Variants in MAGI2 observed in about 807,000 individuals in gnomAD.
MAGI2 encodes membrane-associated guanylate kinase, WW and PDZ domain-containing protein 2.
A neutral mutation model predicts 133.3 loss-of-function variants in MAGI2; 35 were observed. The observed-to-expected ratio is 0.26, with a 90% CI of 0.20 to 0.35. The LOEUF (loss-of-function observed/expected upper bound fraction) is 0.35, where lower values mean the gene tolerates loss of function less well. Among genes scored for constraint, MAGI2 ranks in the 10% least tolerant of loss-of-function variants. MAGI2 has a pLI of 1.00. For missense variants in MAGI2, 1,636 were observed against 1,863.4 expected (o/e 0.88, Z 2.25); for synonymous variants, 729 against 710.6 (o/e 1.03, Z -0.41).
intron 1 of MAGI2, among the ~76,000 whole-genome samples, chr7:79,220,837 CA>C (rs1830393502): frequency 6.6e-6 from 1 of 152,020 alleles, no homozygotes; most frequent in Admixed American, 6.5e-5. Context: ...CACCGTGGTA[CA>C]AATTATTTCA....
At position 78,356,675 on chromosome 7, in the gene MAGI2, C is replaced by A. The variant is rs10244261; in HGVS notation, c.1104-10632G>T. Among the ~76,000 whole-genome samples the A allele has an allele frequency of 3.3e-3, 502 of 152,012 alleles. 5 individuals are homozygous for A. The highest frequency in any genetic ancestry group is 0.011 in the African/African-American group (456 of 41,432). Reference sequence around the variant, plus strand: ...GAATTTTTTATGTAACAGGGTGGAACCTTGAGCGCTGGTGGGAACTCTTCC... The same window carrying A: ...GAATTTTTTATGTAACAGGGTGGAAACTTGAGCGCTGGTGGGAACTCTTCC... On this transcript the variant is annotated intron_variant, in intron 7 of 21. Transcript: ENST00000354212.
intron 21 of MAGI2, among the ~76,000 whole-genome samples, chr7:78,076,374 G>A (rs1194674656): frequency 2.0e-5 from 3 of 148,824 alleles, no homozygotes; most frequent in South Asian, 2.1e-4. Flanking sequence ...CTGAAGAATC[G>A]CTTGAGCCTG....
intron 6 of MAGI2, among the ~76,000 whole-genome samples, chr7:78,417,015 C>T (rs1179539822): frequency 2.0e-5 from 3 of 152,066 alleles, no homozygotes; most frequent in African/African-American, 7.2e-5. Flanking sequence ...CAAGTGGTCA[C>T]TGAAAGCCTC....
At chr7:78,949,537 A>T (rs1454950283) in intron 2 of MAGI2, among the ~76,000 whole-genome samples, 1 of 152,208 alleles carries the variant, frequency 6.6e-6, no homozygotes, top group African/African-American at 2.4e-5. Flanking sequence ...AGAGGCTAAA[A>T]TACATTTCTA....
At chr7:78,911,945 AG>A (rs1439086345) in intron 2 of MAGI2, among the ~76,000 whole-genome samples, 1 of 152,214 alleles carries the variant, frequency 6.6e-6, no homozygotes, top group Non-Finnish European at 1.5e-5. Context: ...CATAAAAAAG[AG>A]CAAGATCATG....
At position 78,555,668 on chromosome 7, in the gene MAGI2, A is replaced by G. The variant is rs116392036; in HGVS notation, c.539-34023T>C. Among the ~76,000 whole-genome samples, 957 of 152,284 alleles carry G rather than the reference A, an allele frequency of 6.3e-3. 8 individuals carry two copies. The highest frequency in any genetic ancestry group is 0.022 in the African/African-American group (911 of 41,552). On this transcript the variant is annotated intron_variant, in intron 3 of 21. Transcript: ENST00000354212. ...TGTTGCTACCTGCTGATAAAACCAC[A>G]ACACATCATTATTTATAGGGTGCTA...
At chr7:79,129,623 T>C (rs1562922416) in intron 1 of MAGI2, among the ~76,000 whole-genome samples, 2 of 152,174 alleles carry the variant, frequency 1.3e-5, no homozygotes, top group Admixed American at 1.3e-4. Flanking sequence ...GCAATTATAA[T>C]GATAGCCATT....
chr7:78,792,394 C>G (rs1762031960), intron 2 of MAGI2, among the ~76,000 whole-genome samples: 1 of 152,158 alleles, frequency 6.6e-6, no homozygotes, highest in Non-Finnish European at 1.5e-5. Flanking sequence ...TAAAGCCGCA[C>G]TTTTTATTAG....
At chr7:78,509,828 G>A (rs1000126112) in intron 4 of MAGI2, among the ~76,000 whole-genome samples, 4 of 152,178 alleles carry the variant, frequency 2.6e-5, no homozygotes, top group African/African-American at 9.6e-5. Context: ...TATGTATACA[G>A]TTAACATGCA....
chr7:79,028,204 C>T (rs1292189292), intron 1 of MAGI2, among the ~76,000 whole-genome samples: 2 of 74,078 alleles, frequency 2.7e-5, no homozygotes, highest in Non-Finnish European at 5.7e-5. Context: ...AAGCGAGACT[C>T]CATCTCAAAA....
intron 1 of MAGI2, among the ~76,000 whole-genome samples, chr7:79,321,099 G>A (rs1839148118): frequency 6.6e-6 from 1 of 151,968 alleles, no homozygotes; most frequent in African/African-American, 2.4e-5. Context: ...GCAGTACTAT[G>A]GTCCTTTTTA....
At chr7:78,616,455 G>C (rs1482534012) in intron 3 of MAGI2, 1 of 151,972 alleles carries the variant, frequency 6.6e-6, no homozygotes, top group Non-Finnish European at 1.5e-5. Flanking sequence ...TGTGTGGAAG[G>C]AGTGATTGAA....
chr7:79,082,864 T>C (rs748542382), intron 1 of MAGI2, among the ~76,000 whole-genome samples: 15 of 151,924 alleles, frequency 9.9e-5, no homozygotes, highest in Non-Finnish European at 2.1e-4. Context: ...TCTAGTTATT[T>C]AGGTCTTCTT....
intron 1 of MAGI2, among the ~76,000 whole-genome samples, chr7:79,072,422 A>G (rs1057453174): frequency 1.3e-5 from 2 of 152,182 alleles, no homozygotes; most frequent in African/African-American, 4.8e-5. Flanking sequence ...CCTAAAGCAG[A>G]ACTACCCTTC....
chr7:79,170,995 A>G (rs1440449277), intron 1 of MAGI2, among the ~76,000 whole-genome samples: 1 of 152,118 alleles, frequency 6.6e-6, no homozygotes, highest in East Asian at 1.9e-4. Context: ...TATATCATAA[A>G]CTATCATAAT....
At chr7:78,674,851 A>G (rs908701193) in intron 2 of MAGI2, among the ~76,000 whole-genome samples, 1 of 152,170 alleles carries the variant, frequency 6.6e-6, no homozygotes, top group Non-Finnish European at 1.5e-5. Flanking sequence ...ATGACTATAT[A>G]AAGTTTTGAA....
At chr7:78,553,852 T>C (rs1324549107) in intron 3 of MAGI2, among the ~76,000 whole-genome samples, 1 of 152,168 alleles carries the variant, frequency 6.6e-6, no homozygotes, top group Non-Finnish European at 1.5e-5. Context: ...GATATGTATT[T>C]GTCCTACTCC....
intron 1 of MAGI2, among the ~76,000 whole-genome samples, chr7:79,139,583 T>C (rs916025301): frequency 1.3e-5 from 2 of 151,958 alleles, no homozygotes; most frequent in Admixed American, 6.6e-5. Flanking sequence ...AAATGGGAGG[T>C]TGTATTTTGT....
chr7:78,969,139 C>T (rs1237856619), intron 2 of MAGI2, among the ~76,000 whole-genome samples: 1 of 152,012 alleles, frequency 6.6e-6, no homozygotes, highest in Non-Finnish European at 1.5e-5. Flanking sequence ...TGGCGCAGGA[C>T]AAGTAAAGCC....
Sources: allele counts gnomAD v4.1 joint callset (sites outside exome capture counted in the v4.1 genomes callset), GRCh38; gene constraint gnomAD v4.1.1; transcripts MANE v1.5; gene names NCBI Gene and HGNC (gene_info 2026-07-23, HGNC 2026-07-21).